The following KCNK4 variants were observed in gnomAD, a reference collection of about 807,000 sequenced individuals.
KCNK4 encodes the protein potassium channel subfamily K member 4.
KCNK4 carries 22 observed loss-of-function variants against 28.8 expected under a neutral mutation model. The ratio of observed to expected loss-of-function variants is 0.76; its 90% CI spans 0.55 to 1.09. The LOEUF is 1.09. Ranked by LOEUF, KCNK4 falls within the 50% of genes least tolerant of loss-of-function variation. The pLI is 0.00. For synonymous variants in KCNK4, 263 were observed against 252.9 expected (o/e 1.04, Z -0.38); for missense variants, 483 against 546.3 (o/e 0.88, Z 1.15).
chr11:64,298,964 C>T (rs549854317), intron 6 of KCNK4, among the ~76,000 whole-genome samples: 3 of 145,152 alleles, frequency 2.1e-5, no homozygotes, highest in African/African-American at 7.6e-5. Flanking sequence ...TCGCTTGAAC[C>T]GGGGAGGCAG....
Position 64,294,963 on chromosome 11 carries a change from G to C in KCNK4, c.189+1756G>C, listed in dbSNP as rs77553636. On this transcript the variant is annotated intron_variant, in intron 2 of 6. Coordinates refer to ENST00000422670, the MANE Select transcript of KCNK4 (RefSeq NM_033310.3). Reference sequence around the variant, plus strand: ...TCACAATGGAATTGCTTTTTTCCTGGATAAGAAAAAGGAAGAAAAGGAGAG... The same window carrying C: ...TCACAATGGAATTGCTTTTTTCCTGCATAAGAAAAAGGAAGAAAAGGAGAG... 5.9e-3 allele frequency among the ~76,000 whole-genome samples: 903 copies of C among 152,242 alleles called. 7 individuals carry two copies. Among genetic ancestry groups the C allele is most frequent in the African/African-American group, 0.02 (841 of 41,528 alleles).
At chr11:64,298,054 G>A (rs2034820599) in intron 5 of KCNK4, 56 bp from the exon 6 acceptor site, 2 of 1,586,816 alleles carry the variant, frequency 1.3e-6, no homozygotes, top group East Asian at 2.3e-5. Context: ...CTGAACCAGA[G>A]CTCACAGGCT....
At chr11:64,293,791 G>A (rs2034699821) in intron 2 of KCNK4, among the ~76,000 whole-genome samples, 1 of 151,958 alleles carries the variant, frequency 6.6e-6, no homozygotes, top group South Asian at 2.1e-4. Flanking sequence ...AGTAGAGATG[G>A]GGTTTCACCA....
chr11:64,292,784 T>C (rs2034669221), intron 1 of KCNK4, 158 bp from the exon 2 acceptor site: 1 of 716,182 alleles, frequency 1.4e-6, no homozygotes, highest in Non-Finnish European at 2.0e-6. Flanking sequence ...AGGGGAAGGC[T>C]GGAGATAGGA....
In KCNK4 at chr11:64,299,328, C is replaced by T; in HGVS notation, c.802-18C>T. 6.6e-7 allele frequency: 1 copy of T among 1,516,102 alleles called. No individual in the cohort carries two copies. The highest frequency in any genetic ancestry group is 8.8e-7 in the Non-Finnish European group (1 of 1,132,878). The allele number at this position is 1,516,102 out of a possible 1,614,324, so 93.9% of individuals were successfully genotyped here. A position where few individuals can be genotyped will look rare whatever the true frequency, so the allele number is the denominator to read the frequency against. Reference sequence around the variant, plus strand: ...GGTCTAGACCTCTAGTCGAGGGCTGCTTTCCCTCTCCGTGCAGATGGGCGG... The same window carrying T: ...GGTCTAGACCTCTAGTCGAGGGCTGTTTTCCCTCTCCGTGCAGATGGGCGG... On this transcript the variant is annotated intron_variant, in intron 6 of 6. Transcript: ENST00000422670.
chr11:64,299,211 G>A lies in KCNK4; in HGVS notation c.802-135G>A, dbSNP rs1379057239. On this transcript the variant is annotated intron_variant, in intron 6 of 6. Coordinates refer to ENST00000422670, the MANE Select transcript of KCNK4 (RefSeq NM_033310.3). ...CAGTGGAGGAGCCCTTCCATCCTTG[G>A]GGCTGGCTGAGGCTGGAGGACCAGG... 2.5e-6 allele frequency: 2 copies of A among 814,038 alleles called. 1 individual carries two copies. The highest frequency in any genetic ancestry group is 7.4e-5 in the Admixed American group (2 of 26,968). The allele number at this position is 814,038 out of a possible 1,614,324, so 50.4% of individuals were successfully genotyped here. A position where few individuals can be genotyped will look rare whatever the true frequency, so the allele number is the denominator to read the frequency against.
Position 64,297,099 on chromosome 11 carries a change from T to A in KCNK4, c.314-20T>A. ...GGTCCCAGGTGGCCCCTAGACTTCC[T>A]GCATCGCCCCTCTGCCCAGGCTATG... is the stretch of plus-strand genomic sequence containing the variant. On this transcript the variant is annotated intron_variant, in intron 3 of 6. Coordinates refer to ENST00000422670, the MANE Select transcript of KCNK4 (RefSeq NM_033310.3). 1.9e-6 allele frequency: 3 copies of A among 1,614,028 alleles called. No individual in the cohort carries two copies. The highest frequency in any genetic ancestry group is 2.5e-6 in the Non-Finnish European group (3 of 1,179,944).
intron 2 of KCNK4, among the ~76,000 whole-genome samples, chr11:64,295,865 C>G (rs1249627925): frequency 6.6e-6 from 1 of 151,926 alleles, no homozygotes; most frequent in Non-Finnish European, 1.5e-5. Flanking sequence ...TATGATACGC[C>G]CCACAGACAC....
At chr11:64,298,362 G>A in intron 6 of KCNK4, 113 bp downstream of exon 6, 5 of 1,324,382 alleles carry the variant, frequency 3.8e-6, no homozygotes, top group South Asian at 2.7e-5. Context: ...CCTGAGGCAG[G>A]GGCTGAGTGA....
intron 6 of KCNK4, 152 bp from the exon 7 acceptor site, chr11:64,299,194 G>A (rs534040890): frequency 2.6e-5 from 17 of 658,244 alleles, no homozygotes; most frequent in Middle Eastern, 4.3e-4. Context: ...CCCAGTGGAG[G>A]AGCCCTTCCA....
At chr11:64,297,994 C>G in intron 5 of KCNK4, 116 bp from the exon 6 acceptor site, 1 of 1,220,444 alleles carries the variant, frequency 8.2e-7, no homozygotes, top group Non-Finnish European at 1.1e-6. Flanking sequence ...CAAGCACATA[C>G]CCATTGCCCT....
chr11:64,295,350 G>T (rs1398677265), intron 2 of KCNK4, among the ~76,000 whole-genome samples: 2 of 152,090 alleles, frequency 1.3e-5, no homozygotes, highest in Non-Finnish European at 2.9e-5. Context: ...GAGGGGTAGA[G>T]AGTAGAGACG....
In KCNK4 at chr11:64,293,014, G is replaced by A. The variant is rs2034675524; in HGVS notation, c.-5G>A. The A allele has an allele frequency of 2.6e-6, 4 of 1,540,074 alleles. No homozygotes were observed. Among genetic ancestry groups the A allele is most frequent in the East Asian group, 2.5e-5 (1 of 40,420 alleles). On this transcript the variant is annotated 5_prime_UTR_variant, in exon 2 of 7. Coordinates refer to ENST00000422670, the MANE Select transcript of KCNK4 (RefSeq NM_033310.3). Reference sequence around the variant, plus strand: ...AGTGGAGCTGGCCCGGCGCCTGGGCGCGCCATGCGCAGCACCACGCTCCTG... The same window carrying A: ...AGTGGAGCTGGCCCGGCGCCTGGGCACGCCATGCGCAGCACCACGCTCCTG...
Position 64,293,164 on chromosome 11 carries a change from C to T in KCNK4, c.146C>T (p.Ala49Val), listed in dbSNP as rs2034682164. Residue 49 changes from alanine (A) to valine (V), a missense_variant, in exon 2 of 7, where the codon GCC becomes GTC. Ala to Val is a moderately conservative substitution (Grantham distance 64). Coordinates refer to ENST00000422670, the MANE Select transcript of KCNK4 (RefSeq NM_033310.3). ...LGEVREKFLR[A>V]HPCVSDQELG... ...GAGGTCCGAGAGAAGTTCCTGAGGG[C>T]CCATCCGTGTGTGAGCGACCAGGAG... is the stretch of plus-strand genomic sequence containing the variant. 1 of 1,522,912 alleles carries T rather than the reference C, an allele frequency of 6.6e-7. No individual in the cohort carries two copies. Among genetic ancestry groups the T allele is most frequent in the Non-Finnish European group, 8.8e-7 (1 of 1,131,798 alleles). The allele number at this position is 1,522,912 out of a possible 1,614,324, so 94.3% of individuals were successfully genotyped here.
Position 64,299,913 on chromosome 11 carries a change from G to A in KCNK4, c.*187G>A. ...TCCATCCATCTCTAGACCCCCCCAAGGCTTTCTGTGTCGCTGCCCCGGGCG... is the reference window on the plus strand; with the variant it reads ...TCCATCCATCTCTAGACCCCCCCAAAGCTTTCTGTGTCGCTGCCCCGGGCG... On this transcript the variant is annotated 3_prime_UTR_variant, in exon 7 of 7. Transcript: ENST00000422670. 1 of 1,112,858 alleles carries A rather than the reference G, an allele frequency of 9.0e-7. No homozygotes were observed. The highest frequency in any genetic ancestry group is 2.4e-5 in the Admixed American group (1 of 41,256). The allele number at this position is 1,112,858 out of a possible 1,614,324, so 68.9% of individuals were successfully genotyped here.
chr11:64,297,376 T>C (rs372484809), intron 4 of KCNK4, 91 bp from the exon 5 acceptor site: 3 of 1,573,732 alleles, frequency 1.9e-6, no homozygotes, highest in African/African-American at 1.3e-5. Context: ...ACCATAAGCC[T>C]CTCCCACAGG....
chr11:64,292,853 A>G (rs933328224), intron 1 of KCNK4, 89 bp from the exon 2 acceptor site: 27 of 1,345,204 alleles, frequency 2.0e-5, no homozygotes, highest in Non-Finnish European at 2.4e-5. Flanking sequence ...TGGGGGCTTT[A>G]TGGATCTTTG....
chr11:64,292,205 C>T, intron 1 of KCNK4: 1 of 598,282 alleles, frequency 1.7e-6, no homozygotes, highest in Non-Finnish European at 2.1e-6. Flanking sequence ...CTTGGCGGCG[C>T]GTGCCGGGGC....
At chr11:64,297,900 G>A (rs2034816117) in intron 5 of KCNK4, among the ~76,000 whole-genome samples, 1 of 152,114 alleles carries the variant, frequency 6.6e-6, no homozygotes, top group South Asian at 2.1e-4. Flanking sequence ...ATTCTTGCAC[G>A]GGAGCGCCCC....
Sources: gnomAD v4.1 joint callset for allele counts (sites outside exome capture counted in the v4.1 genomes callset) on GRCh38, gnomAD v4.1.1 for gene constraint, MANE v1.5 for transcripts, NCBI Gene and HGNC (gene_info 2026-07-23, HGNC 2026-07-21) for gene names.